The following ASCC3 variants were observed in gnomAD, a reference collection of about 807,000 sequenced individuals.
ASCC3 encodes activating signal cointegrator 1 complex subunit 3.
ASCC3 carries 158 observed loss-of-function variants against 256.3 expected under a neutral mutation model. That is an observed-to-expected ratio of 0.62 (90% confidence interval 0.54 to 0.70). ASCC3 has a LOEUF of 0.70. Among genes scored for constraint, ASCC3 ranks in the 30% least tolerant of loss-of-function variants. The pLI is 0.00. For synonymous variants in ASCC3, 948 were observed against 883.4 expected, an observed-to-expected ratio of 1.07 and a Z score of -1.30; for missense variants, 2,259 against 2,626.0, an observed-to-expected ratio of 0.86 and a Z score of 3.05.
intron 17 of ASCC3, among the ~76,000 whole-genome samples, chr6:100,655,149 A>C (rs1427953884): frequency 6.6e-6 from 1 of 151,926 alleles, no homozygotes; most frequent in Non-Finnish European, 1.5e-5. Context: ...AGCCACACGG[A>C]CCACACAATT....
intron 4 of ASCC3, among the ~76,000 whole-genome samples, chr6:100,828,701 T>C (rs867293522): frequency 6.6e-6 from 1 of 152,068 alleles, no homozygotes; most frequent in Non-Finnish European, 1.5e-5. Context: ...GGGTTCGTGG[T>C]CTGGCTGGCT....
At chr6:100,649,536 T>C (rs1775553504) in intron 20 of ASCC3, among the ~76,000 whole-genome samples, 1 of 151,668 alleles carries the variant, frequency 6.6e-6, no homozygotes, top group East Asian at 1.9e-4. Flanking sequence ...GTTACATTGA[T>C]TAAATTACTA....
chr6:100,614,964 G>A (rs975215256), intron 30 of ASCC3, among the ~76,000 whole-genome samples: 2 of 151,796 alleles, frequency 1.3e-5, no homozygotes, highest in Admixed American at 6.6e-5. Context: ...CACAGCTCCT[G>A]TTGTTTGCTC....
intron 36 of ASCC3, among the ~76,000 whole-genome samples, chr6:100,549,735 T>G (rs1769194734): frequency 6.6e-6 from 1 of 151,934 alleles, no homozygotes; most frequent in African/African-American, 2.4e-5. Context: ...AAAAAAAATT[T>G]TCCTTCAAGG....
In ASCC3 at chr6:100,868,032, C is replaced by G; in HGVS notation, c.-35G>C. On this transcript the variant is annotated 5_prime_UTR_variant, in exon 2 of 42. Transcript: ENST00000369162. The stretch of plus-strand genomic sequence containing the variant: ...AATCAGTGATCCATACAGCAAGAAA[C>G]CTGAAACTGAAACAAAACAAGATGA... 1 of 1,491,858 alleles carries G rather than the reference C, an allele frequency of 6.7e-7. No individual in the cohort carries two copies. Among genetic ancestry groups the G allele is most frequent in the Non-Finnish European group, 9.3e-7 (1 of 1,070,488 alleles). 92.4% of individuals were successfully genotyped at this position (1,491,858 alleles called of 1,614,324 possible).
chr6:100,649,421 A>G (rs1775549787), intron 20 of ASCC3, among the ~76,000 whole-genome samples: 1 of 151,732 alleles, frequency 6.6e-6, no homozygotes, highest in South Asian at 2.1e-4. Context: ...AGGAGATTAG[A>G]AAATTATTCC....
chr6:100,823,336 CACA>C (rs1554238378), intron 4 of ASCC3, among the ~76,000 whole-genome samples: 4 of 152,080 alleles, frequency 2.6e-5, no homozygotes, highest in East Asian at 1.9e-4. Context: ...AAATTAAAAA[CACA>C]ACAACAACAA....
chr6:100,596,782 A>G (rs1052926633), intron 34 of ASCC3, among the ~76,000 whole-genome samples: 2 of 152,198 alleles, frequency 1.3e-5, no homozygotes, highest in African/African-American at 4.8e-5. Flanking sequence ...CTTACGGCAT[A>G]AATAGATCCC....
intron 16 of ASCC3, among the ~76,000 whole-genome samples, chr6:100,657,332 A>G (rs916888646): frequency 2.0e-5 from 3 of 151,474 alleles, no homozygotes; most frequent in African/African-American, 7.2e-5. Context: ...AGCAAGAACT[A>G]AAATTGAGCC....
intron 1 of ASCC3, among the ~76,000 whole-genome samples, chr6:100,879,526 C>T (rs958301323): frequency 1.3e-5 from 2 of 152,160 alleles, no homozygotes; most frequent in African/African-American, 2.4e-5. Flanking sequence ...CAAAATGGGG[C>T]CCGTAATCCC....
chr6:100,530,644 T>C (rs774199618), intron 37 of ASCC3: 126 of 823,412 alleles, frequency 1.5e-4, no homozygotes, highest in Middle Eastern at 2.3e-4. Flanking sequence ...CAGGAGTTCA[T>C]GGATGGCATG....
chr6:100,868,092 C>T, intron 1 of ASCC3, 54 bp from the exon 2 acceptor site: 1 of 957,782 alleles, frequency 1.0e-6, no homozygotes, highest in Non-Finnish European at 1.6e-6. Context: ...CAGAGGTAAT[C>T]AAACTCAACA....
intron 25 of ASCC3, among the ~76,000 whole-genome samples, chr6:100,631,596 A>T (rs750063193): frequency 6.1e-4 from 93 of 151,770 alleles, no homozygotes; most frequent in Non-Finnish European, 1.0e-3. Context: ...CTGATAAAAA[A>T]TTTTTTCTAT....
intron 34 of ASCC3, among the ~76,000 whole-genome samples, chr6:100,601,232 C>T (rs6927531): frequency 0.03 from 4,629 of 152,032 alleles, 77 homozygotes; most frequent in African/African-American, 0.055. Flanking sequence ...TTCATTGTAA[C>T]GACTTATATG....
intron 14 of ASCC3, among the ~76,000 whole-genome samples, chr6:100,667,234 C>T (rs1346676992): frequency 2.0e-5 from 3 of 152,032 alleles, no homozygotes; most frequent in African/African-American, 7.2e-5. Context: ...AAATGTGAAA[C>T]GTGAGTCTTG....
At chr6:100,583,724 T>C (rs1418511029) in intron 36 of ASCC3, among the ~76,000 whole-genome samples, 1 of 152,186 alleles carries the variant, frequency 6.6e-6, no homozygotes, top group African/African-American at 2.4e-5. Flanking sequence ...TATGGGCATT[T>C]AGTGCTATAA....
chr6:100,510,125 A>T lies in ASCC3; in HGVS notation c.6286-18T>A. 1.2e-6 allele frequency: 2 copies of T among 1,613,874 alleles called. No individual in the cohort carries two copies. The highest frequency in any genetic ancestry group is 1.7e-6 in the Non-Finnish European group (2 of 1,179,838). ...GGCTTTCCCTGTAAACCAGAAAAAA[A>T]GATACAACATTAAAAATATCTAGAC... is the stretch of plus-strand genomic sequence containing the variant. On this transcript the variant is annotated intron_variant, in intron 40 of 41. Transcript: ENST00000369162.
chr6:100,791,701 ATTTTG>A (rs1769356823), intron 8 of ASCC3, among the ~76,000 whole-genome samples: 1 of 151,950 alleles, frequency 6.6e-6, no homozygotes, highest in Non-Finnish European at 1.5e-5. Context: ...TCACTGTTTC[ATTTTG>A]TTTTTTCTAA....
intron 10 of ASCC3, among the ~76,000 whole-genome samples, chr6:100,753,497 C>CTT (rs67034154): frequency 1.3e-5 from 1 of 75,988 alleles, no homozygotes; most frequent in African/African-American, 5.3e-5. Context: ...AACAGGTGCC[C>CTT]TTTTTTTTTT....
Sources: allele counts gnomAD v4.1 joint callset (sites outside exome capture counted in the v4.1 genomes callset), GRCh38; gene constraint gnomAD v4.1.1; transcripts MANE v1.5; gene names NCBI Gene and HGNC (gene_info 2026-07-23, HGNC 2026-07-21).